NNT: variants seen among roughly 807,000 people sequenced by gnomAD.
NNT encodes the protein nicotinamide nucleotide transhydrogenase, also known as NAD(P) transhydrogenase, mitochondrial.
A neutral mutation model predicts 104.8 loss-of-function variants in NNT; 50 were observed. That is an observed-to-expected ratio of 0.48 (90% CI 0.38 to 0.60). The LOEUF (loss-of-function observed/expected upper bound fraction) is 0.60, where lower values mean the gene tolerates loss of function less well. NNT is among the 20% of genes least tolerant of loss of function. The pLI is 0.00. For synonymous variants in NNT, 461 were observed against 490.4 expected, an observed-to-expected ratio of 0.94 and a Z score of 0.79; for missense variants, 1,131 against 1,330.7, an observed-to-expected ratio of 0.85 and a Z score of 2.33.
intron 16 of NNT, 52 bp from the exon 17 acceptor site, chr5:43,659,119 G>A: frequency 6.8e-7 from 1 of 1,481,186 alleles, no homozygotes; most frequent in Admixed American, 2.3e-5. Flanking sequence ...AAATGTCAGA[G>A]GTTTTATTTT....
Position 43,677,793 on chromosome 5 carries a change from G to C in NNT, c.2863G>C (p.Gly955Arg). ...TTTGGTAAAGATGCTCACTGAGCAAGGCAAAAAAGTCAGGTAAGCGTTTGC... is the reference window on the plus strand; with the variant it reads ...TTTGGTAAAGATGCTCACTGAGCAACGCAAAAAAGTCAGGTAAGCGTTTGC... Reference protein sequence around the residue: ...ADLVKMLTEQGKKVRFGIHPV... With the variant: ...ADLVKMLTEQRKKVRFGIHPV... The change falls in exon 19 of 22, where the codon GGC becomes CGC. Residue 955 changes from glycine (G) to arginine (R), a missense_variant. Gly to Arg is a moderately radical substitution (Grantham distance 125, BLOSUM62 -2). Transcript: ENST00000344920. 1 of 1,613,548 alleles carries C rather than the reference G, an allele frequency of 6.2e-7. No individual in the cohort carries two copies. Among genetic ancestry groups the C allele is most frequent in the South Asian group, 1.1e-5 (1 of 91,052 alleles).
intron 17 of NNT, chr5:43,666,779 T>TTAC (rs1439114798): frequency 1.5e-5 from 19 of 1,300,270 alleles, no homozygotes; most frequent in Non-Finnish European, 1.6e-5. Flanking sequence ...TCTGAAGGCT[T>TTAC]TGTAGGGGCC....
Position 43,699,990 on chromosome 5 carries a change from G to A in NNT, c.2877-129G>A, listed in dbSNP as rs1479922540. ...TGGACTACTGCTGTTTCATTCTGTAGAGATCAGATAGTACCAGAAAAAAGC... is the reference window on the plus strand; with the variant it reads ...TGGACTACTGCTGTTTCATTCTGTAAAGATCAGATAGTACCAGAAAAAAGC... On this transcript the variant is annotated intron_variant, in intron 19 of 21. Coordinates refer to ENST00000344920, the MANE Select transcript of NNT (RefSeq NM_182977.3). 21 of 635,666 alleles carry A rather than the reference G, an allele frequency of 3.3e-5. No homozygotes were observed. The Admixed American group carries it at 5.5e-4, about 17-fold the overall frequency. The allele number at this position is 635,666 out of a possible 1,614,324, so 39.4% of individuals were successfully genotyped here.
rs202002709 is a variant in NNT at position 43,701,734 on chromosome 5, C to T, written c.2996-887C>T. Among the ~76,000 whole-genome samples, 18 of 152,216 alleles carry T rather than the reference C, an allele frequency of 1.2e-4. No homozygotes were observed. The East Asian group carries it at 2.9e-3, about 25-fold the overall frequency. ...TCCATTTTCTCCACAGCCTTGCCAG[C>T]GTCTGTTATTGTTTTGACTTTTTAC... is the stretch of plus-strand genomic sequence containing the variant. On this transcript the variant is annotated intron_variant, in intron 20 of 21. Coordinates refer to ENST00000344920, the MANE Select transcript of NNT (RefSeq NM_182977.3).
chr5:43,621,700 T>C (rs957364176), intron 5 of NNT, among the ~76,000 whole-genome samples: 3 of 151,958 alleles, frequency 2.0e-5, no homozygotes, highest in African/African-American at 7.3e-5. Flanking sequence ...CCACTGCACC[T>C]GGCCATGAGA....
intron 17 of NNT, among the ~76,000 whole-genome samples, chr5:43,665,752 C>A (rs1740615734): frequency 7.2e-6 from 1 of 138,266 alleles, no homozygotes; most frequent in South Asian, 2.3e-4. Flanking sequence ...GGTACACCTC[C>A]CAGACGGGGT....
chr5:43,625,408 C>T (rs1178807179), intron 6 of NNT, among the ~76,000 whole-genome samples: 3 of 151,976 alleles, frequency 2.0e-5, no homozygotes, highest in Non-Finnish European at 4.4e-5. Flanking sequence ...ACGGGTATCT[C>T]AAGTGTACAA....
At chr5:43,680,235 G>A (rs1017035788) in intron 19 of NNT, among the ~76,000 whole-genome samples, 9 of 151,862 alleles carry the variant, frequency 5.9e-5, no homozygotes, top group Non-Finnish European at 7.4e-5. Context: ...TTTTCTTTAC[G>A]AAGTTAGGAA....
intron 1 of NNT, among the ~76,000 whole-genome samples, chr5:43,604,370 T>G (rs1039536070): frequency 1.3e-5 from 2 of 152,188 alleles, no homozygotes; most frequent in African/African-American, 4.8e-5. Context: ...AAACCTTGAC[T>G]TTTTATTAAC....
intron 1 of NNT, among the ~76,000 whole-genome samples, chr5:43,605,473 G>A (rs1356006999): frequency 1.7e-5 from 2 of 120,858 alleles, no homozygotes; most frequent in Admixed American, 1.1e-4. Flanking sequence ...CCGAGATTGC[G>A]CCACTGCAGT....
intron 6 of NNT, among the ~76,000 whole-genome samples, chr5:43,625,666 C>A (rs562881781): frequency 6.6e-5 from 10 of 152,192 alleles, no homozygotes; most frequent in Admixed American, 2.6e-4. Context: ...TTTTTGAATT[C>A]TTTCAAACAA....
intron 7 of NNT, among the ~76,000 whole-genome samples, chr5:43,629,125 C>T (rs996243052): frequency 3.9e-5 from 6 of 152,076 alleles, no homozygotes; most frequent in Non-Finnish European, 7.4e-5. Flanking sequence ...ATACACTGTA[C>T]ACAATGTTTA....
At position 43,651,814 on chromosome 5, in the gene NNT, A is replaced by T. The variant is rs750250710; in HGVS notation, c.1793A>T (p.Tyr598Phe). The change falls in exon 13 of 22, where the codon TAC becomes TTC. Residue 598 changes from tyrosine to phenylalanine, a missense_variant. Physicochemically the swap from Tyr to Phe is conservative, Grantham distance 22. Coordinates refer to ENST00000344920, the MANE Select transcript of NNT (RefSeq NM_182977.3). ...GACCCCCCAGAATACAACTACCTGT[A>T]CCTGCTCCCTGCCGGCACCTTTGTT... ...PTDPPEYNYL[Y>F]LLPAGTFVGG... 5 of 1,614,144 alleles carry T rather than the reference A, an allele frequency of 3.1e-6. No individual in the cohort carries two copies. Among genetic ancestry groups the T allele is most frequent in the Non-Finnish European group, 1.7e-6 (2 of 1,180,018 alleles).
intron 5 of NNT, among the ~76,000 whole-genome samples, chr5:43,621,385 A>C (rs941412469): frequency 6.6e-6 from 1 of 152,238 alleles, no homozygotes; most frequent in Non-Finnish European, 1.5e-5. Context: ...AGATTGAATG[A>C]AAATCAATCA....
chr5:43,632,303 C>G (rs1013851593), intron 7 of NNT, among the ~76,000 whole-genome samples: 3 of 152,114 alleles, frequency 2.0e-5, no homozygotes, highest in African/African-American at 7.2e-5. Context: ...CAGAAATTCT[C>G]TAAGCTAAGA....
At chr5:43,650,174 A>G (rs1334977923) in intron 11 of NNT, among the ~76,000 whole-genome samples, 3 of 152,256 alleles carry the variant, frequency 2.0e-5, no homozygotes, top group Admixed American at 6.5e-5. Flanking sequence ...TTATATCTGT[A>G]TTAGAGGAAC....
chr5:43,646,770 T>C (rs1739470723), intron 10 of NNT, among the ~76,000 whole-genome samples: 1 of 152,210 alleles, frequency 6.6e-6, no homozygotes, highest in Non-Finnish European at 1.5e-5. Context: ...ATATAGGCTA[T>C]AGCCCCTGAA....
rs570875818 is a variant in NNT, at chr5:43,624,266, A to G, written c.776+146A>G. On this transcript the variant is annotated intron_variant, in intron 6 of 21. Coordinates refer to ENST00000344920, the MANE Select transcript of NNT (RefSeq NM_182977.3). ...CATTTAAAAATGTTTCCACTTTTTAAAAGTTAATGCAAAGTGAAAATGTAT... is the reference window on the plus strand; with the variant it reads ...CATTTAAAAATGTTTCCACTTTTTAGAAGTTAATGCAAAGTGAAAATGTAT... 3 of 726,096 alleles carry G rather than the reference A, an allele frequency of 4.1e-6. No homozygotes were observed. In the East Asian group the frequency reaches 7.5e-5, roughly 18 times the overall value. The allele number at this position is 726,096 out of a possible 1,614,324, so 45.0% of individuals were successfully genotyped here.
At chr5:43,692,263 G>A (rs1742322933) in intron 19 of NNT, among the ~76,000 whole-genome samples, 1 of 152,056 alleles carries the variant, frequency 6.6e-6, no homozygotes, top group Admixed American at 6.6e-5. Flanking sequence ...CTCTCTTTAA[G>A]ACCATGCAAA....
Sources: gnomAD v4.1 joint callset for allele counts (sites outside exome capture counted in the v4.1 genomes callset) on GRCh38, gnomAD v4.1.1 for gene constraint, MANE v1.5 for transcripts, NCBI Gene and HGNC (gene_info 2026-07-23, HGNC 2026-07-21) for gene names.